Variants in HIVEP1 observed in about 807,000 individuals in gnomAD.
HIVEP1 encodes HIVEP zinc finger 1.
In HIVEP1, 36 loss-of-function variants were observed where a neutral mutation model predicts 180.0. That is an observed-to-expected ratio of 0.20 (90% CI 0.15 to 0.26). HIVEP1 has a LOEUF of 0.26. Among genes scored for constraint, HIVEP1 ranks in the 10% least tolerant of loss-of-function variants. The pLI is 1.00. For missense variants in HIVEP1, 3,143 were observed against 3,268.7 expected, an observed-to-expected ratio of 0.96 and a Z score of 0.94; for synonymous variants, 1,239 against 1,239.0, an observed-to-expected ratio of 1.00 and a Z score of 0.00.
At chr6:12,069,817 T>G (rs1238921192) in intron 2 of HIVEP1, among the ~76,000 whole-genome samples, 1 of 151,976 alleles carries the variant, frequency 6.6e-6, no homozygotes, top group Non-Finnish European at 1.5e-5. Context: ...TTTTAACTTT[T>G]TGACTCTTCT....
rs201951147 is a variant in HIVEP1 at position 12,164,115 on chromosome 6, C to T, written c.7811C>T (p.Pro2604Leu). Residue 2604 changes from proline to leucine, a missense_variant, in exon 9 of 9, where the codon CCT becomes CTT. Transcript: ENST00000379388. Reference protein sequence around the residue: ...VSRTESPQGLPTVQRENAKKV... With the variant: ...VSRTESPQGLLTVQRENAKKV... Reference sequence around the variant, plus strand: ...AGGACCGAGTCTCCTCAGGGGTTACCTACAGTCCAGCGGGAAAATGCAAAA... The same window carrying T: ...AGGACCGAGTCTCCTCAGGGGTTACTTACAGTCCAGCGGGAAAATGCAAAA... The T allele has an allele frequency of 6.2e-5, 100 of 1,614,062 alleles. No homozygotes were observed. Among genetic ancestry groups the T allele is most frequent in the Middle Eastern group, 3.3e-4 (2 of 6,084 alleles).
intron 2 of HIVEP1, among the ~76,000 whole-genome samples, chr6:12,040,877 G>A (rs1769636877): frequency 1.3e-5 from 2 of 151,674 alleles, no homozygotes; most frequent in Admixed American, 6.6e-5. Flanking sequence ...GGAGTGAAGA[G>A]TGGTGGGGGG....
rs1277289990 is a variant in HIVEP1 at position 12,123,691 on chromosome 6, A to C, written c.3896A>C (p.Asp1299Ala). Reference protein sequence around the residue: ...IEHSSTESSFDSTLSRSLSRE... With the variant: ...IEHSSTESSFASTLSRSLSRE... ...CATTCCTCAACAGAATCGAGCTTTG[A>C]TTCCACTCTCTCCAGGAGTCTAAGT... The change falls in exon 4 of 9, where the codon GAT becomes GCT. Residue 1299 changes from aspartate to alanine, a missense_variant. Around this residue, in one of 12 missense-constraint regions of HIVEP1, gnomAD observed 1,357 missense variants for 1,260.5 expected, o/e 1.08. Coordinates refer to ENST00000379388, the MANE Select transcript of HIVEP1 (RefSeq NM_002114.4). 1 of 1,614,016 alleles carries C rather than the reference A, an allele frequency of 6.2e-7. No homozygotes were observed. Among genetic ancestry groups the C allele is most frequent in the Non-Finnish European group, 8.5e-7 (1 of 1,179,988 alleles).
intron 2 of HIVEP1, among the ~76,000 whole-genome samples, chr6:12,081,441 G>A (rs1162801682): frequency 1.3e-5 from 2 of 152,098 alleles, no homozygotes; most frequent in African/African-American, 4.8e-5. Context: ...AGTGGAGGCA[G>A]TTGGATATGA....
the HIVEP1 span, among the ~76,000 whole-genome samples, chr6:12,190,267 T>C: frequency 5.3e-5 from 8 of 152,210 alleles, no homozygotes; most frequent in Admixed American, 4.6e-4. Flanking sequence ...TTTTTAAAAA[T>C]AGAAAATAAA....
chr6:12,061,276 A>G (rs993150526), intron 2 of HIVEP1, among the ~76,000 whole-genome samples: 3 of 152,214 alleles, frequency 2.0e-5, no homozygotes, highest in Non-Finnish European at 4.4e-5. Context: ...AAACAATTAA[A>G]CCAAATGTAC....
chr6:12,025,753 T>C (rs1433451974), intron 2 of HIVEP1, among the ~76,000 whole-genome samples: 6 of 152,172 alleles, frequency 3.9e-5, no homozygotes, highest in African/African-American at 1.4e-4. Flanking sequence ...CAAATAACCA[T>C]CGTTGGCCAA....
At chr6:12,071,700 G>T (rs959888607) in intron 2 of HIVEP1, among the ~76,000 whole-genome samples, 1 of 152,064 alleles carries the variant, frequency 6.6e-6, no homozygotes, top group African/African-American at 2.4e-5. Context: ...TTTCAGTTTT[G>T]TGTTATTAAA....
the HIVEP1 span, among the ~76,000 whole-genome samples, chr6:12,175,172 T>G: frequency 6.6e-6 from 1 of 152,116 alleles, no homozygotes; most frequent in Non-Finnish European, 1.5e-5. Context: ...AATTAATAAT[T>G]AATTGGTATC....
At chr6:12,062,715 G>T (rs1274451509) in intron 2 of HIVEP1, among the ~76,000 whole-genome samples, 1 of 152,132 alleles carries the variant, frequency 6.6e-6, no homozygotes, top group Non-Finnish European at 1.5e-5. Context: ...TTACAGATGA[G>T]GTAACTGAGG....
intron 2 of HIVEP1, among the ~76,000 whole-genome samples, chr6:12,082,164 C>T (rs1431145308): frequency 2.0e-5 from 3 of 152,100 alleles, no homozygotes; most frequent in Non-Finnish European, 4.4e-5. Flanking sequence ...ATTAACCCAA[C>T]AGAACCACTT....
chr6:12,096,517 T>TA (rs139962353), intron 3 of HIVEP1, among the ~76,000 whole-genome samples: 9,542 of 151,714 alleles, frequency 0.063, 350 homozygotes, highest in Admixed American at 0.12. Context: ...TTTTCTACAT[T>TA]AAAAAATGAA....
Position 12,163,452 on chromosome 6 carries a change from ACC to A in HIVEP1, c.7149_7150del (p.Leu2384SerfsTer13). 6.2e-7 allele frequency: 1 copy of A among 1,614,056 alleles called. No homozygotes were observed. Among genetic ancestry groups the A allele is most frequent in the Non-Finnish European group, 8.5e-7 (1 of 1,180,010 alleles). ...TCTCCCCACACTCATTTGTTTAGCC[ACC>A]TTCCTTTGCATTCCCAGCAGCAATC... On this transcript the variant is annotated frameshift_variant, in exon 9 of 9. Transcript: ENST00000379388. LOFTEE classifies it low-confidence loss of function (END_TRUNC).
the HIVEP1 span, among the ~76,000 whole-genome samples, chr6:12,191,353 G>A: frequency 6.6e-6 from 1 of 152,332 alleles, no homozygotes; most frequent in East Asian, 1.9e-4. Context: ...ACTTTGGGAG[G>A]CCTAGGTGGG....
intron 7 of HIVEP1, among the ~76,000 whole-genome samples, chr6:12,142,634 C>T (rs1309771037): frequency 6.6e-6 from 1 of 151,970 alleles, no homozygotes; most frequent in African/African-American, 2.4e-5. Flanking sequence ...TGATAGACTG[C>T]TAGCAAGACT....
In HIVEP1 at chr6:12,124,189, A is replaced by G; in HGVS notation, c.4394A>G (p.Gln1465Arg). The G allele has an allele frequency of 6.2e-7, 1 of 1,614,062 alleles. No homozygotes were observed. The highest frequency in any genetic ancestry group is 2.2e-5 in the East Asian group (1 of 44,886). ...CCCAGTGTGAATGCAGTGCCATATC[A>G]GGGGCCTCAGCTCACTAGTACATCT... ...ALPSVNAVPY[Q>R]GPQLTSTSLA... Residue 1465 changes from glutamine to arginine, a missense_variant, in exon 4 of 9, where the codon CAG becomes CGG. Physicochemically the swap from Gln to Arg is conservative, Grantham distance 43. Coordinates refer to ENST00000379388, the MANE Select transcript of HIVEP1 (RefSeq NM_002114.4).
intron 2 of HIVEP1, among the ~76,000 whole-genome samples, chr6:12,040,180 C>CTGA (rs1769582364): frequency 1.3e-5 from 2 of 152,272 alleles, no homozygotes; most frequent in Admixed American, 6.5e-5. Context: ...TATCAAAGTC[C>CTGA]TGAAAGGTCT....
At chr6:12,177,042 C>T in the HIVEP1 span, among the ~76,000 whole-genome samples, 1 of 152,300 alleles carries the variant, frequency 6.6e-6, no homozygotes, top group African/African-American at 2.4e-5. Context: ...AGGCCATTAA[C>T]TTCAGCAAAC....
chr6:12,033,966 A>G (rs1769118434), intron 2 of HIVEP1, among the ~76,000 whole-genome samples: 2 of 152,222 alleles, frequency 1.3e-5, no homozygotes, highest in Non-Finnish European at 2.9e-5. Context: ...AGGTGAAATC[A>G]GGAAGTCTCT....
Sources: gnomAD v4.1 joint callset for allele counts (sites outside exome capture counted in the v4.1 genomes callset) on GRCh38, gnomAD v4.1.1 for gene constraint, gnomAD v4.1.1 regional missense constraint, MANE v1.5 for transcripts, NCBI Gene and HGNC (gene_info 2026-07-23, HGNC 2026-07-21) for gene names.